RPS29: variants seen among roughly 807,000 people sequenced by gnomAD.
RPS29 encodes the protein ribosomal protein S29.
For missense variants in RPS29, 60 were observed against 75.7 expected (o/e 0.79, Z 0.77); for synonymous variants, 37 against 26.9 (o/e 1.37, Z -1.16).
At chr14:49,590,129 C>T (rs1314376952), upstream of RPS29, among the ~76,000 whole-genome samples, 1 of 152,188 alleles carries the variant, frequency 6.6e-6, no homozygotes, top group Non-Finnish European at 1.5e-5. Flanking sequence ...CCCTGTGACA[C>T]ACAATTTATC....
upstream of RPS29, chr14:49,586,681 A>G (rs1382352153): frequency 6.6e-6 from 2 of 301,936 alleles, no homozygotes; most frequent in South Asian, 3.7e-5. Flanking sequence ...CGCTATGCCG[A>G]TCGGGTGTCC....
intron 2 of RPS29, 152 bp from the exon 3 acceptor site, chr14:49,583,827 T>C: frequency 1.8e-6 from 1 of 543,684 alleles, no homozygotes; most frequent in South Asian, 2.7e-5. Context: ...AGTTTAAATA[T>C]TTACTGAATG....
At chr14:49,582,718 G>A (rs1881377121), downstream of RPS29, among the ~76,000 whole-genome samples, 1 of 152,192 alleles carries the variant, frequency 6.6e-6, no homozygotes, top group African/African-American at 2.4e-5. Context: ...AGGAGGCACA[G>A]GGTATACCCT....
At chr14:49,582,688 G>C (rs1881376055), downstream of RPS29, among the ~76,000 whole-genome samples, 1 of 152,200 alleles carries the variant, frequency 6.6e-6, no homozygotes, top group Non-Finnish European at 1.5e-5. Flanking sequence ...AGGGGCTCTT[G>C]TTCAAATGTA....
chr14:49,597,332 A>G (rs1256527071), intron 1 of RPS29: 1 of 152,244 alleles, frequency 6.6e-6, no homozygotes, highest in Non-Finnish European at 1.5e-5. Context: ...TGTTGGGCTT[A>G]CAGGCGTGAG....
At chr14:49,591,377 A>G (rs117322338), upstream of RPS29, among the ~76,000 whole-genome samples, 166 of 151,956 alleles carry the variant, frequency 1.1e-3, 2 homozygotes, top group East Asian at 0.018. Context: ...TGCAATCTCA[A>G]TCTCAGCTCA....
At chr14:49,586,899 A>G (rs1470033129), upstream of RPS29, 3 of 156,830 alleles carry the variant, frequency 1.9e-5, 1 homozygote, top group African/African-American at 7.2e-5. Flanking sequence ...AAATACGTTA[A>G]TTTTGGACTC....
exon 1 of RPS29, chr14:49,598,579 CT>C: frequency 2.8e-6 from 2 of 702,176 alleles, no homozygotes; most frequent in Non-Finnish European, 5.2e-6. Flanking sequence ...TTCTAAGTGC[CT>C]TTCCCTGTAA....
chr14:49,590,736 G>A (rs541248357), upstream of RPS29, among the ~76,000 whole-genome samples: 3 of 150,938 alleles, frequency 2.0e-5, no homozygotes, highest in East Asian at 5.9e-4. Context: ...TGTCACCCAG[G>A]CTGGAGTGCA....
At chr14:49,580,573 GT>G (rs1340295660), downstream of RPS29, among the ~76,000 whole-genome samples, 1 of 152,030 alleles carries the variant, frequency 6.6e-6, no homozygotes, top group East Asian at 1.9e-4. Context: ...TCAATCACAT[GT>G]TTTCAAAAAA....
intron 2 of RPS29, among the ~76,000 whole-genome samples, chr14:49,584,575 G>A (rs1374131773): frequency 6.6e-6 from 1 of 152,040 alleles, no homozygotes; most frequent in Non-Finnish European, 1.5e-5. Flanking sequence ...GACCAGCTTG[G>A]CCAACATGGT....
downstream of RPS29, among the ~76,000 whole-genome samples, chr14:49,581,602 CTTTTAAA>C (rs1284951878): frequency 6.6e-6 from 1 of 152,168 alleles, no homozygotes; most frequent in East Asian, 1.9e-4. Flanking sequence ...CTAATTTTCT[CTTTTAAA>C]TTTTTGCTAT....
At chr14:49,594,516 A>G (rs1360943054) in intron 1 of RPS29, among the ~76,000 whole-genome samples, 1 of 152,238 alleles carries the variant, frequency 6.6e-6, no homozygotes, top group Non-Finnish European at 1.5e-5. Flanking sequence ...AACACAATCT[A>G]TAAGACATTC....
downstream of RPS29, among the ~76,000 whole-genome samples, chr14:49,582,156 G>T (rs1881358525): frequency 6.6e-6 from 1 of 151,854 alleles, no homozygotes; most frequent in African/African-American, 2.4e-5. Flanking sequence ...TTCATTGCTG[G>T]GCACAGTAGT....
exon 3 of RPS29, chr14:49,576,313 G>A (rs1409247835): frequency 6.6e-6 from 1 of 151,884 alleles, no homozygotes; most frequent in Non-Finnish European, 1.5e-5. Context: ...ATGTTGCCCA[G>A]GCTGGTCTGG....
chr14:49,592,682 G>A lies in RPS29; in HGVS notation c.-133+5718C>T, dbSNP rs112873444. Among the ~76,000 whole-genome samples, 1,240 of 151,726 alleles carry A rather than the reference G, an allele frequency of 8.2e-3. 14 individuals are homozygous for A. Among genetic ancestry groups the A allele is most frequent in the African/African-American group, 0.029 (1,180 of 41,384 alleles). On this transcript the variant is annotated intron_variant, in intron 1 of 3. Coordinates refer to the RPS29 transcript ENST00000556230. ...CCAGCACTTTGGGAGGCCGAGACGC[G>A]TGGGTCACCTGAGGTCAGGAGTTCG...
chr14:49,586,650 C>T (rs941867775), upstream of RPS29: 10 of 419,218 alleles, frequency 2.4e-5, no homozygotes, highest in African/African-American at 8.0e-5. Context: ...CGCTTGAGTC[C>T]AGGAGTTCTG....
intron 1 of RPS29, among the ~76,000 whole-genome samples, chr14:49,594,277 G>A (rs1403216057): frequency 2.0e-5 from 3 of 151,584 alleles, no homozygotes; most frequent in Non-Finnish European, 2.9e-5. Flanking sequence ...ATTTTATCCC[G>A]CTTAAAATTT....
At chr14:49,577,860 T>C (rs1284587765) in intron 2 of RPS29, 4 of 1,581,836 alleles carry the variant, frequency 2.5e-6, no homozygotes, top group Non-Finnish European at 3.4e-6. Context: ...CTTTCTGTAA[T>C]GGTAAAAGAG....
Sources: gnomAD v4.1 joint callset for allele counts (sites outside exome capture counted in the v4.1 genomes callset) on GRCh38, gnomAD v4.1.1 for gene constraint, MANE v1.5 for transcripts, NCBI Gene and HGNC (gene_info 2026-07-23, HGNC 2026-07-21) for gene names.